Variants in NHERF2 observed in about 807,000 individuals in gnomAD.
The protein encoded by NHERF2 is NHERF family PDZ scaffold protein 2, also known as Na(+)/H(+) exchange regulatory cofactor NHE-RF2.
At chr16:2,033,063 C>T in the NHERF2 span, 1 of 1,312,648 alleles carries the variant, frequency 7.6e-7, no homozygotes, top group Middle Eastern at 3.0e-4. Flanking sequence ...TCCCTGTCCC[C>T]TCAGCCCTGG....
the NHERF2 span, among the ~76,000 whole-genome samples, chr16:2,028,751 C>T: frequency 2.0e-5 from 3 of 152,086 alleles, no homozygotes; most frequent in African/African-American, 7.2e-5. Flanking sequence ...TCCCCCAGGC[C>T]GCAGGTGGGA....
At chr16:2,033,127 C>T in the NHERF2 span, 27 of 1,403,072 alleles carry the variant, frequency 1.9e-5, no homozygotes, top group South Asian at 1.0e-4. Context: ...TTTCTTGGGA[C>T]GGAAGCCTAG....
the NHERF2 span, chr16:2,037,653 G>C: frequency 6.3e-7 from 1 of 1,590,892 alleles, no homozygotes; most frequent in Non-Finnish European, 8.6e-7. Flanking sequence ...AGAGGCCTTG[G>C]GGTAGGCGTC....
chr16:2,027,737 C>T, the NHERF2 span, among the ~76,000 whole-genome samples: 116 of 152,252 alleles, frequency 7.6e-4, no homozygotes, highest in African/African-American at 2.4e-3. Flanking sequence ...TGCACGTGTG[C>T]CTGTGTGTGT....
chr16:2,033,262 G>T, the NHERF2 span: 1 of 1,528,652 alleles, frequency 6.5e-7, no homozygotes, highest in Non-Finnish European at 8.7e-7. Context: ...GCAGAGGGAG[G>T]TAGATAAGTG....
At chr16:2,036,354 C>G in the NHERF2 span, 1 of 1,610,818 alleles carries the variant, frequency 6.2e-7, no homozygotes, top group Non-Finnish European at 8.5e-7. Flanking sequence ...GGAGCTGCGC[C>G]CTCGGCTCTG....
chr16:2,027,277 G>A, the NHERF2 span: 2 of 1,091,792 alleles, frequency 1.8e-6, no homozygotes, highest in African/African-American at 3.3e-5. Flanking sequence ...TCCCCCTGGG[G>A]CGAGCAGGGG....
chr16:2,037,081 C>G, the NHERF2 span: 1 of 1,484,460 alleles, frequency 6.7e-7, no homozygotes. Flanking sequence ...CCCTGGAGAT[C>G]CGTCCTCGAG....
the NHERF2 span, chr16:2,037,846 A>G: frequency 6.3e-7 from 1 of 1,595,204 alleles, no homozygotes; most frequent in African/African-American, 1.3e-5. Context: ...CCTGGAAGCA[A>G]GATCCCTTCC....
the NHERF2 span, chr16:2,037,875 T>C: frequency 6.2e-7 from 1 of 1,605,688 alleles, no homozygotes; most frequent in South Asian, 1.1e-5. Context: ...GGCCTCCACC[T>C]GAGCCCCACG....
At chr16:2,038,198 T>C in the NHERF2 span, 1 of 601,934 alleles carries the variant, frequency 1.7e-6, no homozygotes, top group East Asian at 2.8e-5. Context: ...CCCAGAGATG[T>C]GAGAGAGAGT....
chr16:2,032,817 G>A, the NHERF2 span: 1 of 997,444 alleles, frequency 1.0e-6, no homozygotes, highest in Non-Finnish European at 1.2e-6. The surrounding 1 kb of genome is among the most constrained non-coding windows in gnomAD (Gnocchi z 4.0). Context: ...GTGGCCAGCG[G>A]TGCCAGGCCC....
At chr16:2,038,118 G>A in the NHERF2 span, 163 of 1,161,246 alleles carry the variant, frequency 1.4e-4, no homozygotes, top group Middle Eastern at 2.7e-4. Flanking sequence ...CCCCAGCCCC[G>A]GTGAGCCCCC....
At chr16:2,033,814 C>A in the NHERF2 span, among the ~76,000 whole-genome samples, 1 of 152,150 alleles carries the variant, frequency 6.6e-6, no homozygotes, top group East Asian at 1.9e-4. Flanking sequence ...GCTCTCTGGG[C>A]CCCCCTTCCC....
the NHERF2 span, among the ~76,000 whole-genome samples, chr16:2,032,592 A>C: frequency 2.6e-5 from 4 of 152,154 alleles, no homozygotes; most frequent in South Asian, 8.3e-4. This position sits in a 1 kb window ranked among gnomAD's most constrained non-coding sequence, Gnocchi z 4.0. Context: ...GCCCCCTGGG[A>C]GCTAAGGGTG....
the NHERF2 span, chr16:2,038,339 G>T: frequency 2.1e-6 from 1 of 481,576 alleles, no homozygotes; most frequent in South Asian, 1.6e-5. Context: ...AGGAATTTGT[G>T]TTTTTGCTTT....
the NHERF2 span, chr16:2,035,566 A>G: frequency 5.1e-6 from 5 of 987,104 alleles, no homozygotes; most frequent in East Asian, 5.6e-4. Flanking sequence ...GCCATGTTTA[A>G]CTGAGCACGG....
the NHERF2 span, among the ~76,000 whole-genome samples, chr16:2,031,483 G>A: frequency 2.6e-5 from 4 of 152,310 alleles, no homozygotes; most frequent in South Asian, 8.3e-4. Flanking sequence ...CCGGCCCTCG[G>A]ACTTTATCTG....
At chr16:2,029,814 T>C in the NHERF2 span, 1 of 1,509,388 alleles carries the variant, frequency 6.6e-7, no homozygotes. Context: ...GGGACCACCC[T>C]AGCCTCTCCC....
Sources: gnomAD v4.1 joint callset for allele counts (sites outside exome capture counted in the v4.1 genomes callset) on GRCh38, gnomAD v4.1.1 for gene constraint, Gnocchi (gnomAD v3.1) non-coding constraint, MANE v1.5 for transcripts, NCBI Gene and HGNC (gene_info 2026-07-23, HGNC 2026-07-21) for gene names.